The following MRPL16 variants were observed in gnomAD, a reference collection of about 807,000 sequenced individuals.
MRPL16 encodes large ribosomal subunit protein uL16m.
MRPL16 carries 17 observed loss-of-function variants against 22.7 expected under a neutral mutation model. The ratio of observed to expected loss-of-function variants is 0.75; its 90% CI spans 0.51 to 1.12. The LOEUF is 1.12. MRPL16 is among the 50% of genes most tolerant of loss of function. The pLI is 0.00. For missense variants in MRPL16, 316 were observed against 328.7 expected (o/e 0.96, Z 0.30); for synonymous variants, 103 against 112.8 (o/e 0.91, Z 0.55).
chr11:59,810,492 C>T, intron 1 of MRPL16, 112 bp downstream of exon 1: 2 of 1,544,466 alleles, frequency 1.3e-6, no homozygotes, highest in South Asian at 2.4e-5. Flanking sequence ...AGTTCCTAAC[C>T]AGTGCTTCAC....
At chr11:59,809,698 C>G (rs946823758) in intron 2 of MRPL16, 157 bp downstream of exon 2, 7 of 732,828 alleles carry the variant, frequency 9.6e-6, no homozygotes, top group African/African-American at 5.5e-5. Flanking sequence ...TTCTAGTGCT[C>G]AGAATATTAG....
intron 1 of MRPL16, chr11:59,810,330 G>A: frequency 1.5e-6 from 2 of 1,341,264 alleles, no homozygotes; most frequent in Non-Finnish European, 1.9e-6. Context: ...CGCCGGAGGA[G>A]TCTTGAGGTG....
chr11:59,809,787 C>A lies in MRPL16; in HGVS notation c.121+68G>T. On this transcript the variant is annotated intron_variant, in intron 2 of 3. Transcript: ENST00000300151. ...GGGAAACACGAGAACATTCCTATGT[C>A]ATCTCCCACCCGCTCCTGGTTTCCA... 2.9e-6 allele frequency: 4 copies of A among 1,371,876 alleles called. No individual in the cohort carries two copies. In the South Asian group the frequency reaches 3.6e-5, roughly 12 times the overall value. 85.0% of individuals were successfully genotyped at this position (1,371,876 alleles called of 1,614,324 possible).
Position 59,807,876 on chromosome 11 carries a change from A to G in MRPL16, c.122-27T>C, listed in dbSNP as rs372928159. 3.4e-5 allele frequency: 53 copies of G among 1,576,046 alleles called. No individual in the cohort carries two copies. The African/African-American group carries it at 6.4e-4, about 19-fold the overall frequency. Reference sequence around the variant, plus strand: ...TAAAAGAAGCACAGACAACCAGGATAAAGTAAAACTATACATCTCAAAAGA... The same window carrying G: ...TAAAAGAAGCACAGACAACCAGGATGAAGTAAAACTATACATCTCAAAAGA... On this transcript the variant is annotated intron_variant, in intron 2 of 3. Coordinates refer to ENST00000300151, the MANE Select transcript of MRPL16 (RefSeq NM_017840.4).
chr11:59,809,635 C>G, intron 2 of MRPL16: 2 of 524,946 alleles, frequency 3.8e-6, no homozygotes, highest in Non-Finnish European at 6.7e-6. Flanking sequence ...TCTCATTAGA[C>G]GCTGCTCCGT....
intron 1 of MRPL16, 200 bp downstream of exon 1, chr11:59,810,404 T>C: frequency 7.1e-7 from 1 of 1,405,728 alleles, no homozygotes; most frequent in Non-Finnish European, 9.2e-7. Context: ...AGCCGGGATC[T>C]CTGGGCGCCG....
chr11:59,807,782 T>C lies in MRPL16; in HGVS notation c.189A>G (p.Arg63=). Residue 63 remains arginine, a synonymous_variant, in exon 3 of 4, where the codon AGA becomes AGG. Transcript: ENST00000300151. ...IERAPLVPKV[R]REPKNLSDIR... ...TGTCACTTAAATTTTTAGGTTCTCT[T>C]CTTACTTTTGGCACAAGTGGTGCCC... 6.2e-7 allele frequency: 1 copy of C among 1,613,760 alleles called. No homozygotes were observed. The highest frequency in any genetic ancestry group is 8.5e-7 in the Non-Finnish European group (1 of 1,179,828).
Position 59,810,732 on chromosome 11 carries a change from G to C in MRPL16, c.-74C>G. 1 of 1,560,310 alleles carries C rather than the reference G, an allele frequency of 6.4e-7. No homozygotes were observed. The highest frequency in any genetic ancestry group is 8.8e-7 in the Non-Finnish European group (1 of 1,133,514). On this transcript the variant is annotated 5_prime_UTR_variant, in exon 1 of 4. Transcript: ENST00000300151. The stretch of plus-strand genomic sequence containing the variant: ...CTCCTGCACCCAGGTAAGCAGCGGC[G>C]CTCCACTACCTAGCTGTAATCGGCT...
rs1229197654 is a variant in MRPL16, at chr11:59,806,234, G to C, written c.*113C>G. 1 of 1,127,128 alleles carries C rather than the reference G, an allele frequency of 8.9e-7. No individual in the cohort carries two copies. The highest frequency in any genetic ancestry group is 1.3e-6 in the Non-Finnish European group (1 of 791,352). 69.8% of individuals were successfully genotyped at this position (1,127,128 alleles called of 1,614,324 possible). A position where few individuals can be genotyped will look rare whatever the true frequency, so the allele number is the denominator to read the frequency against. ...TTTTTCAGAAATCTACTCAAATGCTGCTCCTTAGTTATGGCTTAAGAGCTA... is the reference window on the plus strand; with the variant it reads ...TTTTTCAGAAATCTACTCAAATGCTCCTCCTTAGTTATGGCTTAAGAGCTA... On this transcript the variant is annotated 3_prime_UTR_variant, in exon 4 of 4. Coordinates refer to ENST00000300151, the MANE Select transcript of MRPL16 (RefSeq NM_017840.4).
chr11:59,808,032 C>A (rs1866131910), intron 2 of MRPL16, among the ~76,000 whole-genome samples, 183 bp from the exon 3 acceptor site: 1 of 152,162 alleles, frequency 6.6e-6, no homozygotes, highest in South Asian at 2.1e-4. Context: ...GATTTTCCTG[C>A]CTTTACCTCC....
At position 59,806,436 on chromosome 11, in the gene MRPL16, T is replaced by C. The variant is rs1866090541; in HGVS notation, c.667A>G (p.Met223Val). Residue 223 changes from methionine to valine, a missense_variant, in exon 4 of 4, where the codon ATG becomes GTG. Coordinates refer to ENST00000300151, the MANE Select transcript of MRPL16 (RefSeq NM_017840.4). ...WTFERIATAN[M>V]LGIRKVLSPY... ...CTCAGTACTTTCCGTATGCCCAGCA[T>C]GTTGGCAGTGGCTATTCGCTCAAAT... is the stretch of plus-strand genomic sequence containing the variant. 1 of 1,614,112 alleles carries C rather than the reference T, an allele frequency of 6.2e-7. No homozygotes were observed. The highest frequency in any genetic ancestry group is 1.3e-5 in the African/African-American group (1 of 74,926).
At chr11:59,807,523 T>C (rs918178516) in intron 3 of MRPL16, 178 bp downstream of exon 3, 18 of 513,894 alleles carry the variant, frequency 3.5e-5, no homozygotes, top group Non-Finnish European at 4.9e-5. Context: ...AAAAAAAAGA[T>C]ATATAACCCA....
intron 1 of MRPL16, chr11:59,810,217 C>G: frequency 2.0e-6 from 2 of 987,788 alleles, no homozygotes; most frequent in Non-Finnish European, 2.6e-6. Context: ...CCATGTTGGC[C>G]AGGCTGGTTT....
Position 59,806,515 on chromosome 11 carries a change from C to G in MRPL16, c.588G>C (p.Glu196Asp), listed in dbSNP as rs771938960. The change falls in exon 4 of 4, where the codon GAG becomes GAC. Residue 196 changes from glutamate to aspartate, a missense_variant. By Grantham distance (45) the Glu-to-Asp change is conservative. Transcript: ENST00000300151. The part of the protein sequence containing the change: ...AAKAVSRGTL[E>D]KMRKDQEERE... Reference sequence around the variant, plus strand: ...TTTCCTCTTGATCTTTTCGCATCTTCTCTAGAGTCCCGCGGCTCACAGCCT... The same window carrying G: ...TTTCCTCTTGATCTTTTCGCATCTTGTCTAGAGTCCCGCGGCTCACAGCCT... 1.2e-6 allele frequency: 2 copies of G among 1,614,204 alleles called. No individual in the cohort carries two copies. The highest frequency in any genetic ancestry group is 8.5e-7 in the Non-Finnish European group (1 of 1,180,038).
chr11:59,806,739 A>C lies in MRPL16; in HGVS notation c.364T>G (p.Trp122Gly). Reference protein sequence around the residue: ...SMDPKNMFAIWRVPAPFKPIT... With the variant: ...SMDPKNMFAIGRVPAPFKPIT... ...GGCTTGAAAGGGGCTGGTACTCGCC[A>C]TATGGCAAACATGTTCTTGGGGTCC... The change falls in exon 4 of 4, where the codon TGG (tryptophan) becomes GGG (glycine). Residue 122 changes from tryptophan to glycine, a missense_variant. Physicochemically the swap from Trp to Gly is radical, Grantham distance 184. Transcript: ENST00000300151. The C allele has an allele frequency of 6.2e-7, 1 of 1,614,228 alleles. No homozygotes were observed. Among genetic ancestry groups the C allele is most frequent in the Non-Finnish European group, 8.5e-7 (1 of 1,180,048 alleles).
chr11:59,810,166 C>A, intron 1 of MRPL16: 1 of 708,420 alleles, frequency 1.4e-6, no homozygotes, highest in Non-Finnish European at 2.0e-6. Flanking sequence ...CCACCACGCC[C>A]AGCTAATTTT....
intron 3 of MRPL16, 139 bp from the exon 4 acceptor site, chr11:59,806,971 G>A (rs1458129339): frequency 2.4e-6 from 3 of 1,268,328 alleles, no homozygotes; most frequent in East Asian, 2.5e-5. Context: ...GTCCCATGGA[G>A]GAAAAGCCTA....
chr11:59,806,884 T>C, intron 3 of MRPL16, 52 bp from the exon 4 acceptor site: 4 of 1,560,606 alleles, frequency 2.6e-6, no homozygotes, highest in Non-Finnish European at 3.5e-6. Context: ...ACATCATCTA[T>C]GGGCTCATTA....
At chr11:59,810,207 C>A in intron 1 of MRPL16, 1 of 909,260 alleles carries the variant, frequency 1.1e-6, no homozygotes, top group Non-Finnish European at 1.4e-6. Context: ...CAGGGTTTCA[C>A]CATGTTGGCC....
Sources: allele counts gnomAD v4.1 joint callset (sites outside exome capture counted in the v4.1 genomes callset), GRCh38; gene constraint gnomAD v4.1.1; transcripts MANE v1.5; gene names NCBI Gene and HGNC (gene_info 2026-07-23, HGNC 2026-07-21).